The following SKP1 variants were observed in gnomAD, a reference collection of about 807,000 sequenced individuals.
SKP1 encodes S-phase kinase associated protein 1, also known as S-phase kinase-associated protein 1.
In SKP1, 1 loss-of-function variant was observed where a neutral mutation model predicts 21.5. The ratio of observed to expected loss-of-function variants is 0.05; its 90% CI spans 0.02 to 0.22. The LOEUF is 0.22. Among genes scored for constraint, SKP1 ranks in the 10% least tolerant of loss-of-function variants. The pLI is 1.00. For missense variants in SKP1, 70 were observed against 192.0 expected, an observed-to-expected ratio of 0.36 and a Z score of 3.76; for synonymous variants, 59 against 59.3, an observed-to-expected ratio of 0.99 and a Z score of 0.03.
In SKP1 at chr5:134,150,217, C is replaced by T. The variant is rs1470490953; in HGVS notation, c.*7516G>A. The T allele has an allele frequency of 6.6e-6, 1 of 152,180 alleles. No individual in the cohort carries two copies. The highest frequency in any genetic ancestry group is 6.5e-5 in the Admixed American group (1 of 15,280). 9.4% of individuals were successfully genotyped at this position (152,180 alleles called of 1,614,324 possible). A position where few individuals can be genotyped will look rare whatever the true frequency, so the allele number is the denominator to read the frequency against. Reference sequence around the variant, plus strand: ...CGTGAAGGTGTCTACTTTAACAGAACCCCATGGATGGACTCTCTTCTGACA... The same window carrying T: ...CGTGAAGGTGTCTACTTTAACAGAATCCCATGGATGGACTCTCTTCTGACA... On this transcript the variant is annotated 3_prime_UTR_variant, in exon 6 of 6. Coordinates refer to ENST00000353411, the MANE Select transcript of SKP1 (RefSeq NM_170679.3).
rs1761033849 is a variant in SKP1, at chr5:134,150,945, G to A, written c.*6788C>T. 2 of 152,306 alleles carry A rather than the reference G, an allele frequency of 1.3e-5. No individual in the cohort carries two copies. The highest frequency in any genetic ancestry group is 2.4e-5 in the African/African-American group (1 of 41,562). 9.4% of individuals were successfully genotyped at this position (152,306 alleles called of 1,614,324 possible). A position where few individuals can be genotyped will look rare whatever the true frequency, so the allele number is the denominator to read the frequency against. ...TCCCTTAGAATAAAAGCCTAGCTCA[G>A]GTCAGGAAGGATTTTCAAGCTCTTA... On this transcript the variant is annotated 3_prime_UTR_variant, in exon 6 of 6. Transcript: ENST00000353411.
rs190541662 is a variant in SKP1 at position 134,149,743 on chromosome 5, T to C, written c.*7990A>G. Reference sequence around the variant, plus strand: ...CAGGGCTTATGCAAGACCAGGTTGCTGCATCTGATTTGGTGTCTCACTTAG... The same window carrying C: ...CAGGGCTTATGCAAGACCAGGTTGCCGCATCTGATTTGGTGTCTCACTTAG... On this transcript the variant is annotated 3_prime_UTR_variant, in exon 6 of 6. Transcript: ENST00000353411. 1 of 150,584 alleles carries C rather than the reference T, an allele frequency of 6.6e-6. No individual in the cohort carries two copies. The highest frequency in any genetic ancestry group is 1.9e-4 in the East Asian group (1 of 5,172). 9.3% of individuals were successfully genotyped at this position (150,584 alleles called of 1,614,324 possible).
At chr5:134,159,142 T>A (rs1454132082) in intron 4 of SKP1, among the ~76,000 whole-genome samples, 1 of 152,226 alleles carries the variant, frequency 6.6e-6, no homozygotes, top group Non-Finnish European at 1.5e-5. Flanking sequence ...TCTAATAATA[T>A]AGGTATTTCA....
intron 4 of SKP1, among the ~76,000 whole-genome samples, chr5:134,159,238 T>C (rs1034474318): frequency 1.3e-5 from 2 of 152,218 alleles, no homozygotes; most frequent in Non-Finnish European, 2.9e-5. Flanking sequence ...CAAAATACTT[T>C]CTATTTCTTC....
chr5:134,170,000 CAAA>C (rs1312695127), intron 2 of SKP1, among the ~76,000 whole-genome samples: 2 of 76,920 alleles, frequency 2.6e-5, no homozygotes, highest in Non-Finnish European at 2.6e-5. Flanking sequence ...GACTCCATCT[CAAA>C]AAAAAAAAAA....
intron 3 of SKP1, among the ~76,000 whole-genome samples, chr5:134,164,056 C>G (rs1761278437): frequency 6.6e-6 from 1 of 152,130 alleles, no homozygotes; most frequent in South Asian, 2.1e-4. Context: ...GATGGTGACT[C>G]AAGCCTGTAA....
chr5:134,160,107 A>G (rs553675889), intron 4 of SKP1, among the ~76,000 whole-genome samples: 1 of 151,782 alleles, frequency 6.6e-6, no homozygotes, highest in African/African-American at 2.4e-5. Context: ...TGTAATCCCA[A>G]CACTTTGGGA....
At chr5:134,170,000 CAAAAAAA>C (rs1312695127) in intron 2 of SKP1, among the ~76,000 whole-genome samples, 5 of 76,932 alleles carry the variant, frequency 6.5e-5, no homozygotes, top group Non-Finnish European at 1.0e-4. Flanking sequence ...GACTCCATCT[CAAAAAAA>C]AAAAAAAAAA....
chr5:134,162,058 CAA>C (rs1163666504), intron 3 of SKP1, among the ~76,000 whole-genome samples: 19 of 128,384 alleles, frequency 1.5e-4, no homozygotes, highest in Admixed American at 4.6e-4. Flanking sequence ...TGCCAGGATC[CAA>C]AAAAAAAAAA....
intron 4 of SKP1, 88 bp downstream of exon 4, chr5:134,160,899 T>C: frequency 1.2e-6 from 1 of 846,044 alleles, no homozygotes; most frequent in Non-Finnish European, 1.8e-6. Flanking sequence ...AGTATTAAAA[T>C]TCAGTGTCAA....
In SKP1 at chr5:134,152,085, G is replaced by A. The variant is rs1761052662; in HGVS notation, c.*5648C>T. The A allele has an allele frequency of 6.5e-6, 1 of 152,882 alleles. No homozygotes were observed. The highest frequency in any genetic ancestry group is 2.4e-5 in the African/African-American group (1 of 41,444). The allele number at this position is 152,882 out of a possible 1,614,324, so 9.5% of individuals were successfully genotyped here. ...TACTCATTCTCTGTGACCACTGGAG[G>A]TAGTGATTTTTAACAACAGTAAACA... On this transcript the variant is annotated 3_prime_UTR_variant, in exon 6 of 6. Coordinates refer to ENST00000353411, the MANE Select transcript of SKP1 (RefSeq NM_170679.3).
chr5:134,172,474 T>G (rs1283751933), intron 2 of SKP1, among the ~76,000 whole-genome samples: 1 of 152,016 alleles, frequency 6.6e-6, no homozygotes, highest in African/African-American at 2.4e-5. Flanking sequence ...CTAGCGAAAG[T>G]TTCAAGACCT....
In SKP1 at chr5:134,153,471, G is replaced by A. The variant is rs1264049498; in HGVS notation, c.*4262C>T. 6.6e-6 allele frequency: 1 copy of A among 152,476 alleles called. No individual in the cohort carries two copies. The highest frequency in any genetic ancestry group is 2.4e-5 in the African/African-American group (1 of 41,436). The allele number at this position is 152,476 out of a possible 1,614,324, so 9.4% of individuals were successfully genotyped here. On this transcript the variant is annotated 3_prime_UTR_variant, in exon 6 of 6. Coordinates refer to ENST00000353411, the MANE Select transcript of SKP1 (RefSeq NM_170679.3). ...ACTCCAGCCTGGGGGGCAGAGGTGA[G>A]ACCTTGTCTCTTAAAAGAAGAATCA...
chr5:134,161,258 G>T, intron 3 of SKP1, 128 bp from the exon 4 acceptor site: 1 of 784,182 alleles, frequency 1.3e-6, no homozygotes, highest in Non-Finnish European at 1.9e-6. Flanking sequence ...TAACAGCCAA[G>T]CTTGAAAAAC....
chr5:134,166,752 AAAATTAT>A (rs1761340470), intron 3 of SKP1, among the ~76,000 whole-genome samples: 1 of 152,236 alleles, frequency 6.6e-6, no homozygotes, highest in South Asian at 2.1e-4. Flanking sequence ...TAGCCGTTTC[AAAATTAT>A]AAATCTAAGA....
chr5:134,175,783 A>G (rs1273483622), intron 1 of SKP1, among the ~76,000 whole-genome samples: 1 of 152,256 alleles, frequency 6.6e-6, no homozygotes, highest in Non-Finnish European at 1.5e-5. Flanking sequence ...ACAGTAGAAT[A>G]AAGTGCAAAA....
In SKP1 at chr5:134,176,169, G is replaced by A. The variant is rs376554943; in HGVS notation, c.-1+686C>T. 2.6e-5 allele frequency among the ~76,000 whole-genome samples: 4 copies of A among 152,184 alleles called. No individual in the cohort carries two copies. The East Asian group carries it at 5.8e-4, about 22-fold the overall frequency. ...CTAGAGTTAAGTTATACACAGTTAA[G>A]GCTCCTACAAGTCACACCACTCTGA... On this transcript the variant is annotated intron_variant, in intron 1 of 5. Coordinates refer to ENST00000353411, the MANE Select transcript of SKP1 (RefSeq NM_170679.3).
rs1761127399 is a variant in SKP1 at position 134,156,739 on chromosome 5, A to G, written c.*994T>C. Reference sequence around the variant, plus strand: ...TATAAATGACAATTAGAAGGGACAGAAGTTATGGTTATGTCAGCAGCCTCC... The same window carrying G: ...TATAAATGACAATTAGAAGGGACAGGAGTTATGGTTATGTCAGCAGCCTCC... On this transcript the variant is annotated 3_prime_UTR_variant, in exon 6 of 6. Coordinates refer to ENST00000353411, the MANE Select transcript of SKP1 (RefSeq NM_170679.3). The G allele has an allele frequency of 6.6e-6, 1 of 152,394 alleles. No individual in the cohort carries two copies. The highest frequency in any genetic ancestry group is 2.4e-5 in the African/African-American group (1 of 41,464). The allele number at this position is 152,394 out of a possible 1,614,324, so 9.4% of individuals were successfully genotyped here.
At position 134,171,039 on chromosome 5, in the gene SKP1, C is replaced by T. The variant is rs1176408604; in HGVS notation, c.97+2887G>A. On this transcript the variant is annotated intron_variant, in intron 2 of 5. Transcript: ENST00000353411. ...TCAATAGGTACTTGATGAACAGTGA[C>T]TGTGGGATGTACCAAGGAGTTTACA... 8.8e-6 allele frequency: 4 copies of T among 456,176 alleles called. No homozygotes were observed. The East Asian group carries it at 2.8e-4, about 32-fold the overall frequency. 28.3% of individuals were successfully genotyped at this position (456,176 alleles called of 1,614,324 possible).
Sources: gnomAD v4.1 joint callset for allele counts (sites outside exome capture counted in the v4.1 genomes callset) on GRCh38, gnomAD v4.1.1 for gene constraint, MANE v1.5 for transcripts, NCBI Gene and HGNC (gene_info 2026-07-23, HGNC 2026-07-21) for gene names.